The following CLIC2 variants were observed in gnomAD, a reference collection of about 807,000 sequenced individuals.
CLIC2 encodes the protein CLIC family member 2.
Under a neutral mutation model 14.8 loss-of-function variants are expected in CLIC2, and 9 were observed. The observed-to-expected ratio is 0.61, with a 90% CI of 0.37 to 1.06. The LOEUF (loss-of-function observed/expected upper bound fraction) is 1.06, where lower values mean the gene tolerates loss of function less well. CLIC2 is among the 50% of genes least tolerant of loss of function. The probability of loss-of-function intolerance (pLI) is 0.01; values close to 1 mark genes in which losing one functional copy is unlikely to be tolerated. For missense variants in CLIC2, 148 were observed against 181.4 expected, an observed-to-expected ratio of 0.82 and a Z score of 1.06; for synonymous variants, 61 against 66.3, an observed-to-expected ratio of 0.92 and a Z score of 0.39.
At chrX:155,292,730 A>C (rs1430212135) in intron 3 of CLIC2, 7 of 416,780 alleles carry the variant, frequency 1.7e-5, no homozygotes, top group Admixed American at 1.2e-4. Flanking sequence ...AGATCGCGCC[A>C]CTGCACTCCA....
chrX:155,290,329 G>C (rs1455031379), intron 3 of CLIC2: 1 of 335,773 alleles, frequency 3.0e-6, no homozygotes, highest in African/African-American at 2.6e-5. Context: ...TAAAAAACTA[G>C]TATTGCTATG....
At chrX:155,308,434 C>T (rs1423105934) in intron 1 of CLIC2, among the ~76,000 whole-genome samples, 1 of 110,500 alleles carries the variant, frequency 9.0e-6, no homozygotes, top group Non-Finnish European at 1.9e-5. Flanking sequence ...TTCAAAAGGG[C>T]AAATCTAAGA....
At chrX:155,287,559 G>A (rs2074947492) in intron 3 of CLIC2, among the ~76,000 whole-genome samples, 1 of 111,080 alleles carries the variant, frequency 9.0e-6, no homozygotes, top group African/African-American at 3.3e-5. Context: ...ATCTGGAACA[G>A]CTGACCTCAG....
At chrX:155,309,000 T>C (rs2124194964) in intron 1 of CLIC2, among the ~76,000 whole-genome samples, 1 of 111,963 alleles carries the variant, frequency 8.9e-6, no homozygotes, top group Non-Finnish European at 1.9e-5. Flanking sequence ...CACAGAATAT[T>C]ATAATACTGT....
intron 1 of CLIC2, among the ~76,000 whole-genome samples, chrX:155,332,209 T>C (rs782719211): frequency 4.5e-5 from 5 of 112,121 alleles, no homozygotes; most frequent in Non-Finnish European, 7.5e-5. Flanking sequence ...ATAGATATCG[T>C]AGTATAAATT....
At chrX:155,306,777 C>G (rs1457131949) in intron 1 of CLIC2, among the ~76,000 whole-genome samples, 3 of 110,288 alleles carry the variant, frequency 2.7e-5, no homozygotes, top group Admixed American at 9.7e-5. Context: ...CACTTTACAA[C>G]AACCAGATCT....
At chrX:155,305,897 T>C (rs1282803754) in intron 1 of CLIC2, among the ~76,000 whole-genome samples, 1 of 112,098 alleles carries the variant, frequency 8.9e-6, no homozygotes, top group Non-Finnish European at 1.9e-5. Context: ...ACAAAAAACA[T>C]ATTTCCTTAC....
At chrX:155,300,266 A>G (rs1376090654) in intron 1 of CLIC2, among the ~76,000 whole-genome samples, 3 of 110,431 alleles carry the variant, frequency 2.7e-5, no homozygotes, top group Non-Finnish European at 5.7e-5. Context: ...AATGATTGCC[A>G]TTCTAACTGG....
At chrX:155,324,883 C>A (rs1217210322) in intron 1 of CLIC2, among the ~76,000 whole-genome samples, 1 of 111,763 alleles carries the variant, frequency 8.9e-6, no homozygotes, top group African/African-American at 3.3e-5. Flanking sequence ...GGGCTAATAT[C>A]CAGAATCTAC....
At chrX:155,287,478 C>T (rs1434123400) in intron 3 of CLIC2, among the ~76,000 whole-genome samples, 7 of 111,075 alleles carry the variant, frequency 6.3e-5, no homozygotes, top group African/African-American at 2.0e-4. Context: ...GGATTACAGG[C>T]GTGTGTCACC....
chrX:155,282,666 C>T (rs1389194979), intron 3 of CLIC2, among the ~76,000 whole-genome samples: 2 of 111,135 alleles, frequency 1.8e-5, no homozygotes, highest in East Asian at 5.6e-4. Flanking sequence ...TCCAAGACAG[C>T]CCCTTTGCTT....
chrX:155,281,638 A>AGT (rs1557316504), intron 3 of CLIC2, among the ~76,000 whole-genome samples: 1 of 110,928 alleles, frequency 9.0e-6, no homozygotes, highest in Non-Finnish European at 1.9e-5. Context: ...ACCTTTCAAA[A>AGT]TGTATCCAGA....
chrX:155,288,466 T>C (rs1231114692), intron 3 of CLIC2, among the ~76,000 whole-genome samples: 1 of 111,764 alleles, frequency 8.9e-6, no homozygotes, highest in East Asian at 2.8e-4. Flanking sequence ...TAATTGCACA[T>C]AGATGGTACA....
intron 1 of CLIC2, among the ~76,000 whole-genome samples, chrX:155,320,489 A>G (rs916781191): frequency 8.0e-5 from 9 of 112,195 alleles, no homozygotes; most frequent in Non-Finnish European, 1.5e-4. Flanking sequence ...AAGCAAAACT[A>G]AGATACAGAA....
intron 3 of CLIC2, chrX:155,291,422 G>C (rs1424197461): frequency 2.8e-5 from 14 of 494,121 alleles, no homozygotes; most frequent in Middle Eastern, 6.0e-4. Flanking sequence ...GTGCAGCCGA[G>C]TATGGGGTTT....
At position 155,280,016 on chromosome X, in the gene CLIC2, G is replaced by C; in HGVS notation, c.346C>G (p.Leu116Val). The change falls in exon 4 of 6, where the codon CTC becomes GTC. Residue 116 changes from leucine to valine, a missense_variant. Physicochemically the swap from Leu to Val is conservative, Grantham distance 32. Transcript: ENST00000369449. ...ATGTATGCAGAAAACTTGGCAAAGA[G>C]GTTACAGCCCACATCAAAAGACTCC... ...YKESFDVGCN[L>V]FAKFSAYIKN... The C allele has an allele frequency of 8.3e-7, 1 of 1,210,327 alleles. No individual in the cohort carries two copies. The highest frequency in any genetic ancestry group is 1.1e-6 in the Non-Finnish European group (1 of 894,110).
chrX:155,293,078 G>A, intron 3 of CLIC2: 1 of 620,233 alleles, frequency 1.6e-6, no homozygotes, highest in South Asian at 2.2e-5. Flanking sequence ...GCTCTAGACA[G>A]TGACGGTGAT....
intron 1 of CLIC2, among the ~76,000 whole-genome samples, chrX:155,307,013 G>A (rs1368390757): frequency 2.7e-5 from 3 of 111,253 alleles, no homozygotes; most frequent in African/African-American, 9.8e-5. Context: ...TTTATTGGTG[G>A]ACCCTCTTTC....
intron 1 of CLIC2, among the ~76,000 whole-genome samples, chrX:155,306,307 C>A (rs960236645): frequency 1.8e-5 from 2 of 111,309 alleles, no homozygotes; most frequent in African/African-American, 3.3e-5. Flanking sequence ...GCACCTCCCC[C>A]CTTGCTCTCT....
Sources: allele counts gnomAD v4.1 joint callset (sites outside exome capture counted in the v4.1 genomes callset), GRCh38; gene constraint gnomAD v4.1.1; transcripts MANE v1.5; gene names NCBI Gene and HGNC (gene_info 2026-07-23, HGNC 2026-07-21).